GLDN: variants seen among roughly 807,000 people sequenced by gnomAD.
The protein encoded by GLDN is gliomedin.
In GLDN, 47 loss-of-function variants were observed where a neutral mutation model predicts 56.5. The observed-to-expected ratio is 0.83, with a 90% CI of 0.66 to 1.06. The LOEUF is 1.06. Ranked by LOEUF, GLDN falls within the 50% of genes least tolerant of loss-of-function variation. The pLI is 0.00. For missense variants in GLDN, 782 were observed against 714.3 expected (o/e 1.09, Z -1.08); for synonymous variants, 332 against 278.8 (o/e 1.19, Z -1.90).
At chr15:51,350,787 A>G (rs2037062162) in intron 1 of GLDN, among the ~76,000 whole-genome samples, 1 of 152,230 alleles carries the variant, frequency 6.6e-6, no homozygotes, top group Non-Finnish European at 1.5e-5. Flanking sequence ...CTAGGGACAT[A>G]TATAAGAAAC....
intron 4 of GLDN, among the ~76,000 whole-genome samples, chr15:51,388,968 C>T (rs2037959461): frequency 6.6e-6 from 1 of 152,244 alleles, no homozygotes; most frequent in African/African-American, 2.4e-5. Flanking sequence ...TTGTTGAGAA[C>T]ACACAGTTCA....
At chr15:51,348,299 G>C (rs2037014555) in intron 1 of GLDN, among the ~76,000 whole-genome samples, 1 of 151,382 alleles carries the variant, frequency 6.6e-6, no homozygotes, top group Non-Finnish European at 1.5e-5. Flanking sequence ...TTTCTTTTCT[G>C]TTCTGTTCTT....
At chr15:51,408,761 T>C (rs914014576), downstream of GLDN, among the ~76,000 whole-genome samples, 1 of 152,148 alleles carries the variant, frequency 6.6e-6, no homozygotes, top group African/African-American at 2.4e-5. Flanking sequence ...AATTCCCACC[T>C]ATGAGTGAGA....
At chr15:51,347,945 A>G (rs924833775) in intron 1 of GLDN, among the ~76,000 whole-genome samples, 19 of 152,244 alleles carry the variant, frequency 1.2e-4, no homozygotes, top group African/African-American at 4.6e-4. Flanking sequence ...AGAGAAAAGT[A>G]TATATTGTAT....
Position 51,391,465 on chromosome 15 carries a change from G to A in GLDN, c.542-3370G>A, listed in dbSNP as rs545624569. ...AAAACTGGGTCATGTGAGACCTTTC[G>A]AAGGTGTCAGTTACACTTGGTGCAC... On this transcript the variant is annotated intron_variant, in intron 4 of 9. Transcript: ENST00000335449. Among the ~76,000 whole-genome samples the A allele has an allele frequency of 7.9e-5, 12 of 152,224 alleles. No homozygotes were observed. The East Asian group carries it at 9.6e-4, about 12-fold the overall frequency.
intron 4 of GLDN, among the ~76,000 whole-genome samples, chr15:51,386,153 A>C (rs143843474): frequency 3.9e-5 from 6 of 152,260 alleles, no homozygotes; most frequent in Admixed American, 3.9e-4. Flanking sequence ...CTCTACAGCA[A>C]TCTCCCAGAG....
intron 4 of GLDN, among the ~76,000 whole-genome samples, chr15:51,392,310 A>C (rs1461518867): frequency 6.6e-6 from 1 of 152,186 alleles, no homozygotes; most frequent in African/African-American, 2.4e-5. Flanking sequence ...GCCACTCTCC[A>C]GTGCTCACAT....
chr15:51,391,819 T>G (rs140234300), intron 4 of GLDN, among the ~76,000 whole-genome samples: 69 of 152,344 alleles, frequency 4.5e-4, no homozygotes, highest in African/African-American at 1.5e-3. Context: ...CCTCTTCACA[T>G]CCTCTTCTAC....
downstream of GLDN, among the ~76,000 whole-genome samples, chr15:51,412,772 C>G (rs560128886): frequency 2.5e-4 from 38 of 152,144 alleles, no homozygotes; most frequent in Admixed American, 1.1e-3. Context: ...TGGTGGGCTG[C>G]CTTTTTTTTG....
At chr15:51,390,293 G>T (rs537337514) in intron 4 of GLDN, among the ~76,000 whole-genome samples, 1 of 152,174 alleles carries the variant, frequency 6.6e-6, no homozygotes, top group African/African-American at 2.4e-5. Context: ...TTCAAAAGTC[G>T]GGAAGGAGAA....
chr15:51,343,119 C>G (rs1175274019), intron 1 of GLDN, among the ~76,000 whole-genome samples: 2 of 152,208 alleles, frequency 1.3e-5, no homozygotes, highest in African/African-American at 4.8e-5. Context: ...AGCCATACTT[C>G]AGAATCCTAG....
chr15:51,412,615 T>A (rs932440709), downstream of GLDN, among the ~76,000 whole-genome samples: 2 of 152,246 alleles, frequency 1.3e-5, no homozygotes, highest in African/African-American at 2.4e-5. Flanking sequence ...TCTTTTTCCT[T>A]CCTACTATTA....
In GLDN at chr15:51,341,746, C is replaced by A. The variant is rs778094534; in HGVS notation, c.62C>A (p.Ala21Glu). Residue 21 changes from alanine to glutamate, a missense_variant, in exon 1 of 10, where the codon GCG becomes GAG. By Grantham distance (107) the Ala-to-Glu change is moderately radical. Transcript: ENST00000335449. The stretch of plus-strand genomic sequence containing the variant: ...GGTTGGGGCCTGCGTGGCGCCCTGG[C>A]GGCCGTGGCGCTGCTCTCGGCGCTC... ...DAGWGLRGAL[A>E]AVALLSALNA... is the part of the protein sequence containing the mutation. 25 of 1,466,242 alleles carry A rather than the reference C, an allele frequency of 1.7e-5. No individual in the cohort carries two copies. Among genetic ancestry groups the A allele is most frequent in the Admixed American group, 7.8e-5 (3 of 38,518 alleles). The allele number at this position is 1,466,242 out of a possible 1,614,324, so 90.8% of individuals were successfully genotyped here.
At position 51,404,576 on chromosome 15, in the gene GLDN, C is replaced by G. The variant is rs1412368567; in HGVS notation, c.1478C>G (p.Thr493Arg). Reference sequence around the variant, plus strand: ...ACAGACACCAAAGATATGAGGGTCACATTTGCCTTTGATTTGTTAGGAGGG... The same window carrying G: ...ACAGACACCAAAGATATGAGGGTCAGATTTGCCTTTGATTTGTTAGGAGGG... ...YVTDTKDMRV[T>R]FAFDLLGGKQ... The change falls in exon 10 of 10, where the codon ACA (threonine) becomes AGA (arginine). Residue 493 changes from threonine (T) to arginine (R), a missense_variant. Transcript: ENST00000335449. 6.2e-7 allele frequency: 1 copy of G among 1,614,208 alleles called. No individual in the cohort carries two copies. The highest frequency in any genetic ancestry group is 2.2e-5 in the East Asian group (1 of 44,882).
chr15:51,343,455 A>C (rs1027223038), intron 1 of GLDN, among the ~76,000 whole-genome samples: 2 of 152,258 alleles, frequency 1.3e-5, no homozygotes, highest in African/African-American at 4.8e-5. Context: ...ACATCTGAGC[A>C]TCATTGTTTT....
At chr15:51,355,901 G>C (rs1421270947) in intron 1 of GLDN, among the ~76,000 whole-genome samples, 2 of 150,540 alleles carry the variant, frequency 1.3e-5, no homozygotes, top group Non-Finnish European at 3.0e-5. Context: ...TGAGAGATGA[G>C]AGGTGACTTA....
intron 1 of GLDN, among the ~76,000 whole-genome samples, chr15:51,359,993 A>AAAAG (rs1368865190): frequency 6.6e-6 from 1 of 151,724 alleles, no homozygotes; most frequent in African/African-American, 2.4e-5. Flanking sequence ...AAAAAAAAAA[A>AAAAG]AAGAAGAAAG....
chr15:51,364,877 C>T (rs187836869), intron 1 of GLDN, among the ~76,000 whole-genome samples: 22 of 152,244 alleles, frequency 1.4e-4, no homozygotes, highest in African/African-American at 4.6e-4. Context: ...CCTTTAATTA[C>T]CAAGGGGAAG....
At chr15:51,409,941 C>T (rs953871298), downstream of GLDN, among the ~76,000 whole-genome samples, 52 of 152,276 alleles carry the variant, frequency 3.4e-4, no homozygotes, top group Non-Finnish European at 6.6e-4. Flanking sequence ...AGAAATATGC[C>T]AAACCCAGCC....
Sources: allele counts gnomAD v4.1 joint callset (sites outside exome capture counted in the v4.1 genomes callset), GRCh38; gene constraint gnomAD v4.1.1; transcripts MANE v1.5; gene names NCBI Gene and HGNC (gene_info 2026-07-23, HGNC 2026-07-21).